VWA3B: variants seen among roughly 807,000 people sequenced by gnomAD.
VWA3B encodes the protein von Willebrand factor A domain-containing protein 3B.
In VWA3B, 138 loss-of-function variants were observed where a neutral mutation model predicts 158.3. The observed-to-expected ratio is 0.87, with a 90% CI of 0.76 to 1.00. VWA3B has a LOEUF of 1.00. Among genes scored for constraint, VWA3B ranks in the 50% least tolerant of loss-of-function variants. VWA3B has a pLI of 0.00. For missense variants in VWA3B, 1,555 were observed against 1,565.1 expected, an observed-to-expected ratio of 0.99 and a Z score of 0.11; for synonymous variants, 596 against 587.3, an observed-to-expected ratio of 1.01 and a Z score of -0.21.
At chr2:98,092,149 G>C (rs554187113) in intron 1 of VWA3B, among the ~76,000 whole-genome samples, 2 of 152,304 alleles carry the variant, frequency 1.3e-5, no homozygotes, top group South Asian at 2.1e-4. Context: ...GCTGTGGTCT[G>C]GTTCCCAACC....
intron 9 of VWA3B, among the ~76,000 whole-genome samples, 158 bp from the exon 10 acceptor site, chr2:98,187,817 G>C (rs115912708): frequency 1.3e-5 from 2 of 152,028 alleles, no homozygotes; most frequent in African/African-American, 4.8e-5. Flanking sequence ...CATAGGAAGC[G>C]GGCAGCGGAA....
rs555876372 is a variant in VWA3B at position 98,140,320 on chromosome 2, A to G, written c.988+6381A>G. Among the ~76,000 whole-genome samples, 338 of 152,328 alleles carry G rather than the reference A, an allele frequency of 2.2e-3. 2 individuals carry two copies. Among genetic ancestry groups the G allele is most frequent in the African/African-American group, 8.0e-3 (331 of 41,564 alleles). ...ATCCAGGAATGCTCACCAGCCTCAG[A>G]TGAGTTCCCCTCCCTGGGCAGAGCA... On this transcript the variant is annotated intron_variant, in intron 7 of 27. Transcript: ENST00000477737.
intron 19 of VWA3B, among the ~76,000 whole-genome samples, chr2:98,248,065 G>A (rs1686513449): frequency 2.6e-5 from 4 of 151,590 alleles, no homozygotes; most frequent in Admixed American, 2.6e-4. Flanking sequence ...ATTATTTTTT[G>A]TTTGAATTAC....
At chr2:98,139,292 C>T (rs62154880) in intron 7 of VWA3B, among the ~76,000 whole-genome samples, 20,290 of 152,254 alleles carry the variant, frequency 0.13, 2,087 homozygotes, top group Non-Finnish European at 0.19. Flanking sequence ...CCCCCGCCTC[C>T]GTGGGCTCCT....
In VWA3B at chr2:98,259,582, G is replaced by C. The variant is rs151299376; in HGVS notation, c.2843+3408G>C. On this transcript the variant is annotated intron_variant, in intron 21 of 27. Coordinates refer to ENST00000477737, the MANE Select transcript of VWA3B (RefSeq NM_144992.5). The stretch of plus-strand genomic sequence containing the variant: ...ATTTTTATTTTTGTAAGCTGAATTA[G>C]TAATGTGCCTGCTTTCACTTCTGAT... 3.8e-3 allele frequency among the ~76,000 whole-genome samples: 571 copies of C among 151,738 alleles called. 9 individuals carry two copies. The highest frequency in any genetic ancestry group is 0.013 in the African/African-American group (548 of 41,456).
At chr2:98,137,656 A>C (rs1339521470) in intron 7 of VWA3B, among the ~76,000 whole-genome samples, 1 of 152,188 alleles carries the variant, frequency 6.6e-6, no homozygotes, top group East Asian at 1.9e-4. Flanking sequence ...TGAACAATTA[A>C]AAAGTGTATT....
chr2:98,115,315 G>A (rs1481764797), intron 2 of VWA3B, among the ~76,000 whole-genome samples: 1 of 151,998 alleles, frequency 6.6e-6, no homozygotes, highest in East Asian at 1.9e-4. Context: ...AAGGCGGGAG[G>A]GATAGCATTA....
At chr2:98,171,860 C>T (rs891904599) in intron 8 of VWA3B, among the ~76,000 whole-genome samples, 38 of 152,086 alleles carry the variant, frequency 2.5e-4, no homozygotes, top group African/African-American at 8.7e-4. Flanking sequence ...GGTGCTGAAT[C>T]GACAGTGAAA....
At chr2:98,151,640 G>C (rs1481521085) in intron 7 of VWA3B, among the ~76,000 whole-genome samples, 1 of 152,186 alleles carries the variant, frequency 6.6e-6, no homozygotes, top group Non-Finnish European at 1.5e-5. Context: ...TTTGCTGGAA[G>C]GTGAATCAAC....
intron 8 of VWA3B, among the ~76,000 whole-genome samples, chr2:98,168,467 A>G (rs992100856): frequency 6.6e-6 from 1 of 152,078 alleles, no homozygotes; most frequent in Non-Finnish European, 1.5e-5. Flanking sequence ...TGAATGTCCT[A>G]TCTCTATTTA....
At chr2:98,314,021 T>A (rs57378451), downstream of VWA3B, among the ~76,000 whole-genome samples, 274 of 152,182 alleles carry the variant, frequency 1.8e-3, no homozygotes, top group African/African-American at 6.5e-3. Context: ...GTAACAACAG[T>A]TTCCAAAACA....
chr2:98,102,531 A>G (rs1422642695), intron 2 of VWA3B, among the ~76,000 whole-genome samples: 1 of 152,224 alleles, frequency 6.6e-6, no homozygotes, highest in African/African-American at 2.4e-5. Context: ...GGTGGCGGCC[A>G]GGCAGAGGCG....
intron 7 of VWA3B, among the ~76,000 whole-genome samples, chr2:98,147,120 G>A (rs537877671): frequency 2.0e-5 from 3 of 152,176 alleles, no homozygotes; most frequent in Non-Finnish European, 4.4e-5. Flanking sequence ...AATGTAATTT[G>A]TAATATTAGA....
intron 7 of VWA3B, among the ~76,000 whole-genome samples, chr2:98,137,955 A>C (rs1676414672): frequency 6.6e-6 from 1 of 152,212 alleles, no homozygotes; most frequent in African/African-American, 2.4e-5. Flanking sequence ...CAACTACTTT[A>C]GTGTTCTGGG....
intron 23 of VWA3B, among the ~76,000 whole-genome samples, chr2:98,295,273 C>T (rs539897184): frequency 2.0e-5 from 3 of 152,248 alleles, no homozygotes; most frequent in East Asian, 1.9e-4. Context: ...CTTTGTATAT[C>T]GGAAGGTTCT....
intron 2 of VWA3B, among the ~76,000 whole-genome samples, chr2:98,106,001 C>T (rs1238579742): frequency 3.3e-5 from 5 of 151,886 alleles, no homozygotes; most frequent in South Asian, 2.1e-4. Flanking sequence ...CTGCAAGATC[C>T]GCCTCCCAGG....
At chr2:98,207,575 A>C (rs1379809013) in intron 12 of VWA3B, 1 of 519,342 alleles carries the variant, frequency 1.9e-6, no homozygotes, top group Non-Finnish European at 3.8e-6. Context: ...ATCACAGGTC[A>C]TATGGGGAAG....
chr2:98,193,414 G>T (rs552464468), intron 11 of VWA3B, among the ~76,000 whole-genome samples: 1 of 152,266 alleles, frequency 6.6e-6, no homozygotes, highest in African/African-American at 2.4e-5. Context: ...GTGTTTAGAA[G>T]CTCCCAGTTC....
At chr2:98,092,711 A>C (rs947062457) in intron 1 of VWA3B, among the ~76,000 whole-genome samples, 4 of 151,396 alleles carry the variant, frequency 2.6e-5, no homozygotes, top group Non-Finnish European at 5.9e-5. Context: ...TATTCAAATA[A>C]TGCAAAAATT....
Sources: allele counts gnomAD v4.1 joint callset (sites outside exome capture counted in the v4.1 genomes callset), GRCh38; gene constraint gnomAD v4.1.1; transcripts MANE v1.5; gene names NCBI Gene and HGNC (gene_info 2026-07-23, HGNC 2026-07-21).